Variants in ATP6V1C1 observed in about 807,000 individuals in gnomAD.
ATP6V1C1 encodes ATPase H+ transporting V1 subunit C1, also known as V-type proton ATPase subunit C 1.
A neutral mutation model predicts 53.9 loss-of-function variants in ATP6V1C1; 45 were observed. That is an observed-to-expected ratio of 0.83 (90% CI 0.66 to 1.07). The LOEUF (loss-of-function observed/expected upper bound fraction) is 1.07. ATP6V1C1 is among the 50% of genes least tolerant of loss of function. ATP6V1C1 has a pLI of 0.00. For synonymous variants in ATP6V1C1, 153 were observed against 155.2 expected, an observed-to-expected ratio of 0.99 and a Z score of 0.11; for missense variants, 315 against 440.3, an observed-to-expected ratio of 0.72 and a Z score of 2.55.
chr8:103,043,880 T>C (rs1817047527), intron 3 of ATP6V1C1, among the ~76,000 whole-genome samples: 1 of 152,002 alleles, frequency 6.6e-6, no homozygotes, highest in South Asian at 2.1e-4. Flanking sequence ...GTTCTGTGAG[T>C]TGTCTTCATT....
At chr8:103,033,555 C>G (rs1816835809) in intron 1 of ATP6V1C1, among the ~76,000 whole-genome samples, 1 of 152,146 alleles carries the variant, frequency 6.6e-6, no homozygotes, top group Admixed American at 6.6e-5. Context: ...CCGTCCTGGG[C>G]AGTTTATTTG....
At chr8:103,060,845 T>C (rs1333805934) in intron 8 of ATP6V1C1, among the ~76,000 whole-genome samples, 1 of 152,202 alleles carries the variant, frequency 6.6e-6, no homozygotes, top group African/African-American at 2.4e-5. Context: ...GTCCCAGATC[T>C]CTGCACAATA....
rs1385177437 is a variant in ATP6V1C1 at position 103,072,991 on chromosome 8, T to C, written c.*4244T>C. On this transcript the variant is annotated 3_prime_UTR_variant, in exon 13 of 13. Transcript: ENST00000518738. The stretch of plus-strand genomic sequence containing the variant: ...CCCTGGCAGTTACTCAAAACTGAAA[T>C]TGCTTATTGTGTACACCGGGGCTTG... The C allele has an allele frequency of 6.6e-6, 1 of 152,204 alleles. No individual in the cohort carries two copies. Among genetic ancestry groups the C allele is most frequent in the African/African-American group, 2.4e-5 (1 of 41,448 alleles). The allele number at this position is 152,204 out of a possible 1,614,324, so 9.4% of individuals were successfully genotyped here. A position where few individuals can be genotyped will look rare whatever the true frequency, so the allele number is the denominator to read the frequency against.
At chr8:103,062,178 T>G (rs1256743453) in intron 8 of ATP6V1C1, among the ~76,000 whole-genome samples, 3 of 137,090 alleles carry the variant, frequency 2.2e-5, no homozygotes, top group South Asian at 4.9e-4. Flanking sequence ...TTTTTTTTTT[T>G]TTTTTTTTTT....
chr8:103,057,297 G>C (rs1817304511), intron 8 of ATP6V1C1, among the ~76,000 whole-genome samples: 2 of 152,188 alleles, frequency 1.3e-5, no homozygotes, highest in South Asian at 4.1e-4. Flanking sequence ...CAGCCAACCA[G>C]AGGCTGAAGT....
In ATP6V1C1 at chr8:103,053,250, T is replaced by A. The variant is rs535667151; in HGVS notation, c.473+428T>A. On this transcript the variant is annotated intron_variant, in intron 6 of 12. Transcript: ENST00000518738. Reference sequence around the variant, plus strand: ...TAGGTTTTTCACTTGTTAGGTTTTTTAAAATAGGACTGAATTTTTTTGGTT... The same window carrying A: ...TAGGTTTTTCACTTGTTAGGTTTTTAAAAATAGGACTGAATTTTTTTGGTT... Among the ~76,000 whole-genome samples the A allele has an allele frequency of 1.3e-3, 202 of 152,160 alleles. 1 individual carries two copies. The highest frequency in any genetic ancestry group is 4.6e-3 in the African/African-American group (192 of 41,564).
At chr8:103,024,733 C>T (rs545967383) in intron 1 of ATP6V1C1, among the ~76,000 whole-genome samples, 13 of 152,206 alleles carry the variant, frequency 8.5e-5, no homozygotes, top group Non-Finnish European at 1.3e-4. Context: ...GACGCTTAGG[C>T]AGTGAACCAA....
intron 1 of ATP6V1C1, among the ~76,000 whole-genome samples, chr8:103,034,670 G>A (rs1463847813): frequency 1.3e-5 from 2 of 151,752 alleles, no homozygotes; most frequent in Non-Finnish European, 2.9e-5. Context: ...CAGGGTTCAA[G>A]TGATTCTCTT....
intron 12 of ATP6V1C1, among the ~76,000 whole-genome samples, chr8:103,068,096 C>T (rs1444759482): frequency 6.6e-6 from 1 of 152,234 alleles, no homozygotes; most frequent in South Asian, 2.1e-4. Flanking sequence ...CCTCCCACCT[C>T]AGCCTTCCAA....
At chr8:103,038,410 T>C (rs1298447220) in intron 1 of ATP6V1C1, among the ~76,000 whole-genome samples, 1 of 152,172 alleles carries the variant, frequency 6.6e-6, no homozygotes, top group South Asian at 2.1e-4. Context: ...CACCTTTTGA[T>C]GGAAGGAGTG....
chr8:103,048,653 A>G (rs1203320186), intron 3 of ATP6V1C1, among the ~76,000 whole-genome samples: 1 of 152,104 alleles, frequency 6.6e-6, no homozygotes, highest in East Asian at 1.9e-4. Flanking sequence ...TCTCCTTAAA[A>G]CCCTACAGTT....
At chr8:103,035,984 A>G (rs1426136468) in intron 1 of ATP6V1C1, among the ~76,000 whole-genome samples, 2 of 152,186 alleles carry the variant, frequency 1.3e-5, no homozygotes, top group African/African-American at 4.8e-5. Flanking sequence ...GACGAAGGGA[A>G]CAAGGAAAGG....
chr8:103,058,865 C>T (rs891140557), intron 8 of ATP6V1C1, among the ~76,000 whole-genome samples: 1 of 152,148 alleles, frequency 6.6e-6, no homozygotes, highest in African/African-American at 2.4e-5. Flanking sequence ...TGTATAAATG[C>T]CATGCCAAGG....
rs144975373 is a variant in ATP6V1C1, at chr8:103,061,818, C to T, written c.642-1137C>T. Among the ~76,000 whole-genome samples the T allele has an allele frequency of 2.4e-4, 37 of 152,322 alleles. No individual in the cohort carries two copies. In the East Asian group the frequency reaches 5.8e-3, roughly 24 times the overall value. ...TAACATTCCCCTGCCCCAAGGTTAT[C>T]GCTGTGGAACAGCTGCCTGTGCAGC... On this transcript the variant is annotated intron_variant, in intron 8 of 12. Transcript: ENST00000518738.
intron 3 of ATP6V1C1, among the ~76,000 whole-genome samples, chr8:103,044,848 C>T (rs541934117): frequency 6.6e-6 from 1 of 152,086 alleles, no homozygotes; most frequent in South Asian, 2.1e-4. Flanking sequence ...TTGTCTTTAT[C>T]CATGAACATC....
At chr8:103,052,943 T>C in intron 6 of ATP6V1C1, 121 bp downstream of exon 6, 1 of 550,206 alleles carries the variant, frequency 1.8e-6, no homozygotes, top group Non-Finnish European at 2.9e-6. Context: ...CAAAATGGTA[T>C]TTCTTTTACT....
chr8:103,071,765 T>C lies in ATP6V1C1; in HGVS notation c.*3018T>C, dbSNP rs2515205. On this transcript the variant is annotated 3_prime_UTR_variant, in exon 13 of 13. Transcript: ENST00000518738. ...CCAAGTAGCTGGGCCTACAGGTGCG[T>C]GCTACCACGCCTGGCCAATTTTTTA... The C allele has an allele frequency of 0.14, 20,787 of 152,894 alleles. 1,523 individuals are homozygous for C. Among genetic ancestry groups the C allele is most frequent in the Middle Eastern group, 0.16 (49 of 300 alleles). 9.5% of individuals were successfully genotyped at this position (152,894 alleles called of 1,614,324 possible). A position where few individuals can be genotyped will look rare whatever the true frequency, so the allele number is the denominator to read the frequency against.
rs543696789 is a variant in ATP6V1C1 at position 103,068,976 on chromosome 8, A to G, written c.*229A>G. ...CAGGTCTGTAAATGTGTACTAAAAA[A>G]ATCAGAGTTTATTTATAAACAAAAT... On this transcript the variant is annotated 3_prime_UTR_variant, in exon 13 of 13. Transcript: ENST00000518738. 1.1e-5 allele frequency: 3 copies of G among 282,604 alleles called. No homozygotes were observed. In the East Asian group the frequency reaches 1.8e-4, roughly 17 times the overall value. 17.5% of individuals were successfully genotyped at this position (282,604 alleles called of 1,614,324 possible).
Position 103,068,639 on chromosome 8 carries a change from G to A in ATP6V1C1, c.1054-13G>A. The stretch of plus-strand genomic sequence containing the variant: ...TAAATACAAAATTGAATAATTGTCT[G>A]TTTTTTCCATAGGCTCCTATGGATA... On this transcript the variant is annotated splice_polypyrimidine_tract_variant and intron_variant, in intron 12 of 12. Transcript: ENST00000518738. The A allele has an allele frequency of 1.3e-6, 2 of 1,567,228 alleles. No homozygotes were observed. The highest frequency in any genetic ancestry group is 1.7e-6 in the Non-Finnish European group (2 of 1,154,638).
Sources: allele counts gnomAD v4.1 joint callset (sites outside exome capture counted in the v4.1 genomes callset), GRCh38; gene constraint gnomAD v4.1.1; transcripts MANE v1.5; gene names NCBI Gene and HGNC (gene_info 2026-07-23, HGNC 2026-07-21).